The following PRKG1 variants were observed in gnomAD, a reference collection of about 807,000 sequenced individuals.
The protein encoded by PRKG1 is cGMP-dependent protein kinase 1.
In PRKG1, 35 loss-of-function variants were observed where a neutral mutation model predicts 88.1. The ratio of observed to expected loss-of-function variants is 0.40; its 90% CI spans 0.30 to 0.53. PRKG1 has a LOEUF of 0.53. PRKG1 is among the 20% of genes least tolerant of loss of function. PRKG1 has a pLI of 0.59. For missense variants in PRKG1, 540 were observed against 839.8 expected, an observed-to-expected ratio of 0.64 and a Z score of 4.41; for synonymous variants, 303 against 292.5, an observed-to-expected ratio of 1.04 and a Z score of -0.37.
At chr10:51,138,873 G>A (rs1168063767) in intron 1 of PRKG1, among the ~76,000 whole-genome samples, 2 of 151,342 alleles carry the variant, frequency 1.3e-5, no homozygotes, top group African/African-American at 4.9e-5. Flanking sequence ...TAGTAGAGAC[G>A]GGGTTTCACC....
intron 2 of PRKG1, among the ~76,000 whole-genome samples, chr10:51,376,443 G>T (rs1842818406): frequency 6.6e-6 from 1 of 151,854 alleles, no homozygotes; most frequent in South Asian, 2.1e-4. Context: ...AAAATACTTG[G>T]TCTTATTCTC....
At chr10:51,933,021 G>A (rs1842727031) in intron 5 of PRKG1, among the ~76,000 whole-genome samples, 1 of 152,050 alleles carries the variant, frequency 6.6e-6, no homozygotes, top group Non-Finnish European at 1.5e-5. Flanking sequence ...AAACCAACAG[G>A]TATTATCCAA....
At chr10:51,114,920 A>G (rs1353170266) in intron 1 of PRKG1, among the ~76,000 whole-genome samples, 1 of 152,194 alleles carries the variant, frequency 6.6e-6, no homozygotes, top group Non-Finnish European at 1.5e-5. Context: ...GATTAATGGA[A>G]ACTAAAACTT....
chr10:52,178,628 T>C (rs1005818679), intron 9 of PRKG1, among the ~76,000 whole-genome samples: 2 of 152,166 alleles, frequency 1.3e-5, no homozygotes, highest in African/African-American at 4.8e-5. Flanking sequence ...CTGGGATTTA[T>C]CTCTCCCTTT....
At chr10:51,410,226 A>T (rs960291260) in intron 2 of PRKG1, among the ~76,000 whole-genome samples, 1 of 141,326 alleles carries the variant, frequency 7.1e-6, no homozygotes, top group African/African-American at 2.8e-5. Context: ...ACATATATAT[A>T]TGTGTGTGTG....
intron 9 of PRKG1, among the ~76,000 whole-genome samples, chr10:52,219,246 A>G (rs1001803867): frequency 6.6e-6 from 1 of 152,204 alleles, no homozygotes; most frequent in Admixed American, 6.6e-5. Context: ...GAAAAGTCAT[A>G]GGAAAATAAA....
chr10:51,330,308 G>T (rs530758840), intron 2 of PRKG1, among the ~76,000 whole-genome samples: 1 of 151,646 alleles, frequency 6.6e-6, no homozygotes, highest in Non-Finnish European at 1.5e-5. Context: ...GCGCAACCAT[G>T]CCTGGCTAAT....
intron 1 of PRKG1, among the ~76,000 whole-genome samples, chr10:51,025,829 A>C (rs528635347): frequency 1.3e-5 from 2 of 152,182 alleles, no homozygotes; most frequent in Admixed American, 6.6e-5. Context: ...AAGGAAGGTT[A>C]TGGGTTGAAT....
chr10:52,071,981 G>A (rs1233434020), intron 7 of PRKG1, among the ~76,000 whole-genome samples: 4 of 151,820 alleles, frequency 2.6e-5, no homozygotes, highest in Non-Finnish European at 4.4e-5. Context: ...CTTTTGTGTC[G>A]AAATGCTCCA....
chr10:52,172,210 G>A (rs1838718459), intron 9 of PRKG1, among the ~76,000 whole-genome samples: 1 of 152,206 alleles, frequency 6.6e-6, no homozygotes, highest in Non-Finnish European at 1.5e-5. Context: ...ATCCCAGTAT[G>A]TGCTTGCTTG....
At chr10:51,179,000 T>A (rs1837274462) in intron 2 of PRKG1, among the ~76,000 whole-genome samples, 1 of 152,194 alleles carries the variant, frequency 6.6e-6, no homozygotes. Context: ...ATTGTTGAAA[T>A]GTAGTTTTTA....
intron 1 of PRKG1, among the ~76,000 whole-genome samples, chr10:51,130,771 C>T (rs569261405): frequency 1.3e-5 from 2 of 152,138 alleles, no homozygotes; most frequent in South Asian, 4.2e-4. Flanking sequence ...GGCATGGTGG[C>T]AGGCACCTGT....
At chr10:52,128,676 G>T in intron 7 of PRKG1, 2 of 689,610 alleles carry the variant, frequency 2.9e-6, no homozygotes, top group Non-Finnish European at 3.6e-6. Flanking sequence ...AAACTGCATA[G>T]CTTTGATTGT....
chr10:51,521,772 A>G (rs1016432783), intron 3 of PRKG1, among the ~76,000 whole-genome samples: 2 of 152,358 alleles, frequency 1.3e-5, no homozygotes, highest in Admixed American at 6.5e-5. Context: ...AGAATTGTCT[A>G]TAAATAGAAC....
At chr10:52,103,546 G>A (rs912340385) in intron 7 of PRKG1, among the ~76,000 whole-genome samples, 1 of 152,032 alleles carries the variant, frequency 6.6e-6, no homozygotes, top group East Asian at 1.9e-4. Context: ...TTACTTTCTT[G>A]TAAGAATACA....
At chr10:51,907,154 C>A (rs1038753672) in intron 4 of PRKG1, among the ~76,000 whole-genome samples, 33 of 152,082 alleles carry the variant, frequency 2.2e-4, no homozygotes, top group Non-Finnish European at 7.4e-5. Flanking sequence ...CCAAGAGGGG[C>A]ATCCATCAGT....
chr10:52,230,677 A>G (rs1840499594), intron 9 of PRKG1: 1 of 152,232 alleles, frequency 6.6e-6, no homozygotes, highest in Non-Finnish European at 1.5e-5. Flanking sequence ...TATAGGGACA[A>G]TTCTCATAAA....
intron 3 of PRKG1, among the ~76,000 whole-genome samples, chr10:51,756,676 A>G (rs1025612951): frequency 1.3e-5 from 2 of 151,536 alleles, no homozygotes; most frequent in African/African-American, 4.9e-5. Context: ...TTAGCCAGGC[A>G]TGGTGGGGGG....
chr10:52,174,083 A>G (rs1270953555), intron 9 of PRKG1, among the ~76,000 whole-genome samples: 1 of 148,966 alleles, frequency 6.7e-6, no homozygotes. Flanking sequence ...TCTCTTGCTC[A>G]CTATGCTAGT....
Sources: gnomAD v4.1 joint callset for allele counts (sites outside exome capture counted in the v4.1 genomes callset) on GRCh38, gnomAD v4.1.1 for gene constraint, MANE v1.5 for transcripts, NCBI Gene and HGNC (gene_info 2026-07-23, HGNC 2026-07-21) for gene names.